Variants in MTMR3 observed in about 807,000 individuals in gnomAD.
MTMR3 encodes the protein phosphatidylinositol-3,5-bisphosphate 3-phosphatase MTMR3.
In MTMR3, 32 loss-of-function variants were observed where a neutral mutation model predicts 132.4. That is an observed-to-expected ratio of 0.24 (90% CI 0.18 to 0.32). MTMR3 has a LOEUF of 0.32. Ranked by LOEUF, MTMR3 falls within the 10% of genes least tolerant of loss-of-function variation. MTMR3 has a pLI of 1.00. For synonymous variants in MTMR3, 556 were observed against 550.3 expected (o/e 1.01, Z -0.14); for missense variants, 1,216 against 1,489.6 (o/e 0.82, Z 3.02).
At chr22:30,015,276 C>CA (rs1258343778) in intron 14 of MTMR3, 1 of 151,286 alleles carries the variant, frequency 6.6e-6, no homozygotes, top group Non-Finnish European at 1.5e-5. Flanking sequence ...AGGCAGGTCT[C>CA]AAACACCTGG....
At chr22:29,957,781 T>G (rs1329753424) in intron 2 of MTMR3, among the ~76,000 whole-genome samples, 1 of 152,184 alleles carries the variant, frequency 6.6e-6, no homozygotes, top group Non-Finnish European at 1.5e-5. Flanking sequence ...CAGTTCCCCC[T>G]TACCTTCTTT....
chr22:29,893,515 C>T (rs2064836890), intron 1 of MTMR3, among the ~76,000 whole-genome samples: 1 of 152,160 alleles, frequency 6.6e-6, no homozygotes, highest in South Asian at 2.1e-4. Context: ...GTATGATTCC[C>T]CTCACCTTTG....
At chr22:29,901,138 T>C (rs2064996351) in intron 1 of MTMR3, among the ~76,000 whole-genome samples, 1 of 152,110 alleles carries the variant, frequency 6.6e-6, no homozygotes, top group Non-Finnish European at 1.5e-5. Context: ...AAGAGTCTCA[T>C]TTGTTTTGAC....
intron 1 of MTMR3, among the ~76,000 whole-genome samples, chr22:29,932,875 C>T (rs1376398710): frequency 6.6e-6 from 1 of 152,122 alleles, no homozygotes; most frequent in Non-Finnish European, 1.5e-5. Flanking sequence ...CTCCCTTTCT[C>T]CATATTTTTT....
At chr22:30,007,441 C>A in intron 10 of MTMR3, 122 bp downstream of exon 10, 1 of 979,994 alleles carries the variant, frequency 1.0e-6, no homozygotes, top group Non-Finnish European at 1.5e-6. Flanking sequence ...CAGAGCTTCA[C>A]TTGATGGGAT....
At chr22:29,885,828 TAA>T (rs1246939376) in intron 1 of MTMR3, among the ~76,000 whole-genome samples, 1 of 152,208 alleles carries the variant, frequency 6.6e-6, no homozygotes, top group Non-Finnish European at 1.5e-5. Flanking sequence ...CCTTCTTCAG[TAA>T]AGTGGAATGC....
At chr22:29,995,390 AG>A (rs2067042274) in intron 7 of MTMR3, 1 of 152,208 alleles carries the variant, frequency 6.6e-6, no homozygotes, top group African/African-American at 2.4e-5. Context: ...CTTCTGTCCC[AG>A]GCCTTTTAAG....
chr22:30,025,878 G>C lies in MTMR3; in HGVS notation c.*77G>C. 1 of 1,510,200 alleles carries C rather than the reference G, an allele frequency of 6.6e-7. No individual in the cohort carries two copies. The highest frequency in any genetic ancestry group is 1.1e-5 in the South Asian group (1 of 88,382). 93.5% of individuals were successfully genotyped at this position (1,510,200 alleles called of 1,614,324 possible). ...CCACTCAACCTGGGCAGACCGAGAGGCCCGTGCACTTTGGAATGGGAGCGT... is the reference window on the plus strand; with the variant it reads ...CCACTCAACCTGGGCAGACCGAGAGCCCCGTGCACTTTGGAATGGGAGCGT... On this transcript the variant is annotated 3_prime_UTR_variant, in exon 20 of 20. Transcript: ENST00000401950.
chr22:29,906,310 A>G lies in MTMR3; in HGVS notation c.-138+22951A>G, dbSNP rs11090587. 4.1e-3 allele frequency among the ~76,000 whole-genome samples: 460 copies of G among 111,284 alleles called. 3 individuals carry two copies. Among genetic ancestry groups the G allele is most frequent in the African/African-American group, 0.012 (409 of 34,738 alleles). 73.0% of individuals were successfully genotyped at this position (111,284 alleles called of 152,430 possible). ...TGTCTATCTATCTATCTATCTATCTATCTATCTATCTATCTATCTATCTGT... is the reference window on the plus strand; with the variant it reads ...TGTCTATCTATCTATCTATCTATCTGTCTATCTATCTATCTATCTATCTGT... On this transcript the variant is annotated intron_variant, in intron 1 of 19. Transcript: ENST00000401950.
chr22:29,912,533 C>T (rs903953151), intron 1 of MTMR3, among the ~76,000 whole-genome samples: 5 of 152,194 alleles, frequency 3.3e-5, no homozygotes, highest in African/African-American at 4.8e-5. Context: ...GTGTCAGCCT[C>T]CCAAAGTGCT....
intron 2 of MTMR3, among the ~76,000 whole-genome samples, chr22:29,965,114 C>T (rs1009650115): frequency 2.0e-5 from 3 of 152,120 alleles, no homozygotes; most frequent in South Asian, 2.1e-4. Context: ...CTCAGCATCC[C>T]GTTTGTTTCC....
intron 9 of MTMR3, chr22:30,004,689 T>C (rs1210532583): frequency 6.6e-6 from 1 of 152,240 alleles, no homozygotes; most frequent in East Asian, 1.9e-4. Flanking sequence ...CTGGGCTCTG[T>C]CTCAGAACAT....
At chr22:29,900,044 C>G (rs567065966) in intron 1 of MTMR3, among the ~76,000 whole-genome samples, 1 of 152,286 alleles carries the variant, frequency 6.6e-6, no homozygotes, top group East Asian at 1.9e-4. Context: ...AGCCATTTAA[C>G]CTTTTTATTA....
chr22:29,925,421 G>A (rs2065496255), intron 1 of MTMR3, among the ~76,000 whole-genome samples: 1 of 152,094 alleles, frequency 6.6e-6, no homozygotes, highest in African/African-American at 2.4e-5. Context: ...CTAACCCTTG[G>A]AGATAAGTTG....
chr22:29,939,483 C>T (rs771640968), intron 1 of MTMR3, among the ~76,000 whole-genome samples: 30 of 152,236 alleles, frequency 2.0e-4, no homozygotes, highest in Non-Finnish European at 3.7e-4. Context: ...CCTTTTCAGA[C>T]ATAATCATTG....
At chr22:29,994,855 A>G (rs1466952043) in intron 7 of MTMR3, 3 of 152,256 alleles carry the variant, frequency 2.0e-5, no homozygotes, top group South Asian at 2.1e-4. Flanking sequence ...AGAAGTTTCA[A>G]CATTGCTGTT....
At chr22:29,890,578 T>A (rs1352108633) in intron 1 of MTMR3, among the ~76,000 whole-genome samples, 1 of 152,096 alleles carries the variant, frequency 6.6e-6, no homozygotes, top group Non-Finnish European at 1.5e-5. Flanking sequence ...AATTTAGATA[T>A]ACTCAAGATG....
intron 1 of MTMR3, among the ~76,000 whole-genome samples, chr22:29,936,370 T>G (rs978825747): frequency 6.6e-6 from 1 of 152,186 alleles, no homozygotes; most frequent in Non-Finnish European, 1.5e-5. Context: ...TTCCTTGTTC[T>G]TATATTTGCT....
chr22:29,919,263 CAT>C (rs971447849), intron 1 of MTMR3, among the ~76,000 whole-genome samples: 5 of 152,232 alleles, frequency 3.3e-5, no homozygotes, highest in African/African-American at 1.2e-4. Context: ...TTTAGCAAGG[CAT>C]ATTTTTATTC....
Sources: gnomAD v4.1 joint callset for allele counts (sites outside exome capture counted in the v4.1 genomes callset) on GRCh38, gnomAD v4.1.1 for gene constraint, MANE v1.5 for transcripts, NCBI Gene and HGNC (gene_info 2026-07-23, HGNC 2026-07-21) for gene names.